The following SCAPER variants were observed in gnomAD, a reference collection of about 807,000 sequenced individuals.
SCAPER encodes the protein S phase cyclin A-associated protein in the endoplasmic reticulum.
Under a neutral mutation model 182.2 loss-of-function variants are expected in SCAPER, and 98 were observed. That is an observed-to-expected ratio of 0.54 (90% CI 0.46 to 0.64). The LOEUF (loss-of-function observed/expected upper bound fraction) is 0.64. Ranked by LOEUF, SCAPER falls within the 30% of genes least tolerant of loss-of-function variation. The pLI, the probability that SCAPER is intolerant of heterozygous loss-of-function variation, is 0.00. For missense variants in SCAPER, 1,432 were observed against 1,690.0 expected, an observed-to-expected ratio of 0.85 and a Z score of 2.68; for synonymous variants, 605 against 564.6, an observed-to-expected ratio of 1.07 and a Z score of -1.01.
intron 15 of SCAPER, among the ~76,000 whole-genome samples, chr15:76,742,575 A>G (rs1401683724): frequency 2.0e-5 from 3 of 151,924 alleles, no homozygotes; most frequent in African/African-American, 4.8e-5. Flanking sequence ...ACTGAAAATG[A>G]AAGTCAATAT....
At chr15:76,637,964 T>C (rs2053784232) in intron 21 of SCAPER, among the ~76,000 whole-genome samples, 1 of 152,082 alleles carries the variant, frequency 6.6e-6, no homozygotes, top group African/African-American at 2.4e-5. Context: ...TTTGGAGAAA[T>C]GTCAATTCCT....
At chr15:76,776,819 A>G (rs1051188218) in intron 8 of SCAPER, among the ~76,000 whole-genome samples, 10 of 152,176 alleles carry the variant, frequency 6.6e-5, no homozygotes, top group Non-Finnish European at 1.0e-4. Context: ...GTATCACAAG[A>G]CCAAGAACAA....
At chr15:76,902,814 T>G (rs1489451479) in intron 1 of SCAPER, among the ~76,000 whole-genome samples, 1 of 152,146 alleles carries the variant, frequency 6.6e-6, no homozygotes, top group Non-Finnish European at 1.5e-5. Flanking sequence ...CCCAGCACTT[T>G]GGGAGGCCGA....
intron 5 of SCAPER, among the ~76,000 whole-genome samples, chr15:76,827,387 G>C (rs2068103208): frequency 6.6e-6 from 1 of 152,192 alleles, no homozygotes; most frequent in Non-Finnish European, 1.5e-5. Flanking sequence ...TCTGTAGTGA[G>C]TATACAGGCA....
At chr15:76,462,105 C>T (rs2049232309) in intron 25 of SCAPER, among the ~76,000 whole-genome samples, 1 of 152,176 alleles carries the variant, frequency 6.6e-6, no homozygotes, top group African/African-American at 2.4e-5. Context: ...ATTCTGTCCT[C>T]TGGTTCTTCA....
chr15:76,875,875 G>A (rs906800866), intron 2 of SCAPER, among the ~76,000 whole-genome samples: 4 of 152,234 alleles, frequency 2.6e-5, no homozygotes, highest in Admixed American at 6.5e-5. Flanking sequence ...AAAGAGCAGG[G>A]GGCGGCGCTG....
At chr15:76,392,419 T>A (rs188387187) in intron 27 of SCAPER, among the ~76,000 whole-genome samples, 1 of 152,292 alleles carries the variant, frequency 6.6e-6, no homozygotes, top group East Asian at 1.9e-4. Context: ...CATTTTCATA[T>A]GTGAACAACA....
At chr15:76,855,964 T>A (rs897523123) in intron 4 of SCAPER, 3 of 284,594 alleles carry the variant, frequency 1.1e-5, no homozygotes, top group Admixed American at 1.0e-4. Flanking sequence ...TAAAGACACA[T>A]GCACGTGAAT....
intron 3 of SCAPER, among the ~76,000 whole-genome samples, chr15:76,861,231 T>C (rs1334914655): frequency 6.6e-6 from 1 of 152,216 alleles, no homozygotes; most frequent in East Asian, 1.9e-4. Context: ...AACAGGATAT[T>C]TACATAGTTT....
intron 20 of SCAPER, among the ~76,000 whole-genome samples, chr15:76,691,759 A>G (rs1021451431): frequency 1.3e-5 from 2 of 152,152 alleles, no homozygotes; most frequent in South Asian, 4.1e-4. Flanking sequence ...TTGTTATTCT[A>G]TGAATAGTTT....
At chr15:76,386,857 A>T (rs2043326450) in intron 27 of SCAPER, among the ~76,000 whole-genome samples, 1 of 152,178 alleles carries the variant, frequency 6.6e-6, no homozygotes, top group Admixed American at 6.5e-5. Flanking sequence ...AACCATTATA[A>T]AACTTTTACT....
intron 20 of SCAPER, among the ~76,000 whole-genome samples, chr15:76,667,639 A>AAAC (rs1410700442): frequency 2.2e-5 from 1 of 46,496 alleles, no homozygotes; most frequent in African/African-American, 6.6e-5. Context: ...AAAAAAAAAA[A>AAAC]AAAAAAAAAA....
intron 22 of SCAPER, among the ~76,000 whole-genome samples, chr15:76,614,237 G>T (rs1272111587): frequency 6.6e-6 from 1 of 152,078 alleles, no homozygotes; most frequent in Non-Finnish European, 1.5e-5. Flanking sequence ...CATACCTTGG[G>T]GCCTTTTGGA....
intron 3 of SCAPER, among the ~76,000 whole-genome samples, chr15:76,858,292 T>C (rs1430902412): frequency 6.6e-6 from 1 of 152,188 alleles, no homozygotes; most frequent in East Asian, 1.9e-4. Flanking sequence ...GTTTTCTATA[T>C]AAAACCCCAA....
chr15:76,714,419 T>A (rs946290208), intron 17 of SCAPER, among the ~76,000 whole-genome samples: 1 of 152,138 alleles, frequency 6.6e-6, no homozygotes, highest in African/African-American at 2.4e-5. Context: ...CTAAACAATT[T>A]GGTGGTATCT....
At chr15:76,766,383 C>T (rs1380515321) in intron 11 of SCAPER, among the ~76,000 whole-genome samples, 1 of 152,192 alleles carries the variant, frequency 6.6e-6, no homozygotes, top group Non-Finnish European at 1.5e-5. Context: ...GCATGAGCCA[C>T]CACACCCAGC....
chr15:76,730,598 TC>T (rs2060864134), intron 16 of SCAPER, among the ~76,000 whole-genome samples: 1 of 152,016 alleles, frequency 6.6e-6, no homozygotes, highest in African/African-American at 2.4e-5. Context: ...AAAAAATTCC[TC>T]TTATAGTCCA....
chr15:76,358,778 C>T (rs1421597570), intron 29 of SCAPER, among the ~76,000 whole-genome samples: 1 of 152,262 alleles, frequency 6.6e-6, no homozygotes, highest in Non-Finnish European at 1.5e-5. Flanking sequence ...CATCATTTCT[C>T]ATCAACCTCA....
At chr15:76,438,557 T>C (rs1303869042) in intron 25 of SCAPER, among the ~76,000 whole-genome samples, 1 of 152,228 alleles carries the variant, frequency 6.6e-6, no homozygotes, top group African/African-American at 2.4e-5. Context: ...ATTTTGTCAG[T>C]TGCTCATAAA....
Sources: allele counts gnomAD v4.1 joint callset (sites outside exome capture counted in the v4.1 genomes callset), GRCh38; gene constraint gnomAD v4.1.1; transcripts MANE v1.5; gene names NCBI Gene and HGNC (gene_info 2026-07-23, HGNC 2026-07-21).